NLRP4: variants seen among roughly 807,000 people sequenced by gnomAD.
The protein encoded by NLRP4 is NACHT, LRR and PYD domains-containing protein 4.
Under a neutral mutation model 84.7 loss-of-function variants are expected in NLRP4, and 44 were observed. That is an observed-to-expected ratio of 0.52 (90% CI 0.41 to 0.67). NLRP4 has a LOEUF of 0.67. Ranked by LOEUF, NLRP4 falls within the 30% of genes least tolerant of loss-of-function variation. The probability of loss-of-function intolerance (pLI) is 0.00; values close to 1 mark genes in which losing one functional copy is unlikely to be tolerated. For missense variants in NLRP4, 1,260 were observed against 1,219.4 expected, an observed-to-expected ratio of 1.03 and a Z score of -0.50; for synonymous variants, 544 against 476.4, an observed-to-expected ratio of 1.14 and a Z score of -1.85.
In NLRP4 at chr19:55,881,756, T is replaced by C. The variant is rs1038467986; in HGVS notation, c.*169T>C. 8.7e-6 allele frequency: 4 copies of C among 457,274 alleles called. No individual in the cohort carries two copies. The highest frequency in any genetic ancestry group is 7.9e-5 in the Admixed American group (2 of 25,238). The allele number at this position is 457,274 out of a possible 1,614,324, so 28.3% of individuals were successfully genotyped here. ...TGATACACGTGGTTTTTATGTGCTCTGTGGCCTTGGATGAGTCACTGAAAG... is the reference window on the plus strand; with the variant it reads ...TGATACACGTGGTTTTTATGTGCTCCGTGGCCTTGGATGAGTCACTGAAAG... On this transcript the variant is annotated 3_prime_UTR_variant, in exon 10 of 10. Coordinates refer to ENST00000301295, the MANE Select transcript of NLRP4 (RefSeq NM_134444.5).
At position 55,881,682 on chromosome 19, in the gene NLRP4, T is replaced by C; in HGVS notation, c.*95T>C. On this transcript the variant is annotated 3_prime_UTR_variant, in exon 10 of 10. Coordinates refer to ENST00000301295, the MANE Select transcript of NLRP4 (RefSeq NM_134444.5). ...ACTGCACCCAGGAGATACAAATCAT[T>C]GATACTCTGAGTTGTGAGATTTCTG... 1 of 653,994 alleles carries C rather than the reference T, an allele frequency of 1.5e-6. No individual in the cohort carries two copies. The highest frequency in any genetic ancestry group is 2.7e-6 in the Non-Finnish European group (1 of 365,556). The allele number at this position is 653,994 out of a possible 1,614,324, so 40.5% of individuals were successfully genotyped here.
At chr19:55,859,923 C>T (rs1984658927) in intron 3 of NLRP4, among the ~76,000 whole-genome samples, 1 of 64,286 alleles carries the variant, frequency 1.6e-5, no homozygotes, top group Non-Finnish European at 2.4e-5. Context: ...AGACTCTCAT[C>T]TCCAAAAAAA....
At chr19:55,848,802 T>A (rs1017935346) in intron 1 of NLRP4, among the ~76,000 whole-genome samples, 6 of 152,150 alleles carry the variant, frequency 3.9e-5, no homozygotes, top group Non-Finnish European at 5.9e-5. Context: ...CTCCCATAAT[T>A]CCCACATGTG....
At chr19:55,844,175 C>T (rs1284740452) in intron 1 of NLRP4, among the ~76,000 whole-genome samples, 1 of 152,176 alleles carries the variant, frequency 6.6e-6, no homozygotes, top group Non-Finnish European at 1.5e-5. Flanking sequence ...TTATTCCTCT[C>T]TATTAACTTC....
intron 7 of NLRP4, among the ~76,000 whole-genome samples, chr19:55,871,490 A>C (rs1256354896): frequency 6.6e-6 from 1 of 152,234 alleles, no homozygotes; most frequent in Non-Finnish European, 1.5e-5. Flanking sequence ...AAAAGACTTA[A>C]TTTCATGTTA....
At chr19:55,878,216 A>G (rs958066344) in intron 8 of NLRP4, among the ~76,000 whole-genome samples, 23 of 152,074 alleles carry the variant, frequency 1.5e-4, no homozygotes, top group African/African-American at 5.3e-4. Context: ...GCAATGAGCC[A>G]TGATCATGCC....
intron 2 of NLRP4, among the ~76,000 whole-genome samples, chr19:55,856,469 G>A (rs1360775783): frequency 1.3e-5 from 2 of 151,800 alleles, no homozygotes; most frequent in Non-Finnish European, 2.9e-5. Flanking sequence ...AGCTACGAGG[G>A]GTTGTGGGAT....
chr19:55,857,768 G>C lies in NLRP4; in HGVS notation c.375G>C (p.Glu125Asp). Residue 125 changes from glutamate (E) to aspartate (D), a missense_variant, in exon 3 of 10, where the codon GAG (glutamate) becomes GAC (aspartate). By Grantham distance (45) the Glu-to-Asp change is conservative (BLOSUM62 2). Transcript: ENST00000301295. ...SVTEIHLYFE[E>D]EVKQEECDHL... ...CTGAGATTCACCTATACTTTGAGGA[G>C]GAAGTCAAGCAAGAAGAATGTGACC... is the stretch of plus-strand genomic sequence containing the variant. The C allele has an allele frequency of 6.2e-7, 1 of 1,614,076 alleles. No individual in the cohort carries two copies. The highest frequency in any genetic ancestry group is 8.5e-7 in the Non-Finnish European group (1 of 1,179,936).
chr19:55,877,925 G>C (rs1399963429), intron 8 of NLRP4, among the ~76,000 whole-genome samples: 1 of 152,026 alleles, frequency 6.6e-6, no homozygotes, highest in Non-Finnish European at 1.5e-5. Context: ...TATAAATTTT[G>C]GCAGGGACAG....
At chr19:55,863,857 TTAAA>T (rs1440049830) in intron 5 of NLRP4, among the ~76,000 whole-genome samples, 6 of 152,204 alleles carry the variant, frequency 3.9e-5, no homozygotes, top group African/African-American at 1.4e-4. Flanking sequence ...ATTTTTGCAA[TTAAA>T]TAAGGGTTTC....
At chr19:55,839,277 G>A (rs889058118) in intron 1 of NLRP4, among the ~76,000 whole-genome samples, 2 of 150,586 alleles carry the variant, frequency 1.3e-5, no homozygotes, top group African/African-American at 4.9e-5. Flanking sequence ...ATGTAAACCT[G>A]TTTTCATTAT....
In NLRP4 at chr19:55,858,422, C is replaced by T. The variant is rs1285401201; in HGVS notation, c.1029C>T (p.Leu343=). 3.7e-6 allele frequency: 6 copies of T among 1,614,022 alleles called. No individual in the cohort carries two copies. In the Admixed American group the frequency reaches 8.3e-5, roughly 22 times the overall value. The change falls in exon 3 of 10, where the codon CTC becomes CTT. Residue 343 remains leucine, a synonymous_variant. Coordinates refer to ENST00000301295, the MANE Select transcript of NLRP4 (RefSeq NM_134444.5). The surrounding 1 kb of genome is among the most constrained non-coding windows in gnomAD (Gnocchi z 4.2). The part of the protein sequence containing the change: ...QLFSICQIPL[L]CWILCTSLKQ... ...TTTCCATATGCCAAATCCCGCTCCT[C>T]TGCTGGATCCTGTGTACCAGTCTGA... is the stretch of plus-strand genomic sequence containing the variant.
At chr19:55,871,056 G>A (rs922753698) in intron 7 of NLRP4, 59 bp downstream of exon 7, 61 of 1,443,660 alleles carry the variant, frequency 4.2e-5, no homozygotes, top group Admixed American at 8.8e-5. Context: ...ATGCACTGCT[G>A]AGAATGGGGC....
intron 8 of NLRP4, 146 bp from the exon 9 acceptor site, chr19:55,878,648 G>A (rs893870461): frequency 3.5e-5 from 21 of 596,782 alleles, no homozygotes; most frequent in African/African-American, 2.6e-4. Flanking sequence ...ACCCACAGAC[G>A]CGTGATCTGA....
Position 55,881,538 on chromosome 19 carries a change from A to G in NLRP4, c.2936A>G (p.Asn979Ser). 6.2e-7 allele frequency: 1 copy of G among 1,610,606 alleles called. No individual in the cohort carries two copies. The highest frequency in any genetic ancestry group is 1.7e-5 in the Admixed American group (1 of 60,002). Residue 979 changes from asparagine to serine, a missense_variant, in exon 10 of 10, where the codon AAC becomes AGC. This residue lies in a region of NLRP4 where 544 missense variants were observed against 531.7 expected (regional missense o/e 1.02). Transcript: ENST00000301295. ...LLTAEEERNPNLTITDDCDTI... is the reference protein window; with the variant it reads ...LLTAEEERNPSLTITDDCDTI... ...ACGGCTGAGGAAGAGAGAAATCCTA[A>G]CCTGACCATCACAGACGACTGTGAC...
chr19:55,842,171 T>A (rs1164423151), intron 1 of NLRP4, among the ~76,000 whole-genome samples: 1 of 152,240 alleles, frequency 6.6e-6, no homozygotes, highest in Non-Finnish European at 1.5e-5. Flanking sequence ...GTTTAGTCTT[T>A]CAACTTTCGT....
intron 7 of NLRP4, among the ~76,000 whole-genome samples, chr19:55,875,688 G>T (rs1202894758): frequency 2.0e-5 from 3 of 152,090 alleles, no homozygotes; most frequent in Non-Finnish European, 4.4e-5. Flanking sequence ...ATTTTAAAAT[G>T]TGTATGGAAC....
intron 9 of NLRP4, among the ~76,000 whole-genome samples, chr19:55,879,360 T>C (rs1023365349): frequency 1.3e-5 from 2 of 152,268 alleles, no homozygotes; most frequent in Middle Eastern, 3.4e-3. Flanking sequence ...GATTGCCCGA[T>C]CCATGGTGAA....
chr19:55,852,328 A>T lies in NLRP4; in HGVS notation c.248A>T (p.Asp83Val), dbSNP rs1439199667. 1 of 1,606,756 alleles carries T rather than the reference A, an allele frequency of 6.2e-7. No individual in the cohort carries two copies. Among genetic ancestry groups the T allele is most frequent in the Non-Finnish European group, 8.5e-7 (1 of 1,177,790 alleles). The change falls in exon 2 of 10, where the codon GAT (aspartate) becomes GTT (valine). Residue 83 changes from aspartate to valine, a missense_variant. Around this residue, in one of 3 missense-constraint regions of NLRP4, gnomAD observed 712 missense variants for 669.2 expected, o/e 1.06. Coordinates refer to ENST00000301295, the MANE Select transcript of NLRP4 (RefSeq NM_134444.5). ...ATCTTTCAAAAGATGGATAGAAAGGATCTCTGCATGAAGGTCATGAGGGAG... is the reference window on the plus strand; with the variant it reads ...ATCTTTCAAAAGATGGATAGAAAGGTTCTCTGCATGAAGGTCATGAGGGAG... The part of the protein sequence containing the change: ...LRIFQKMDRK[D>V]LCMKVMRERT...
Sources: gnomAD v4.1 joint callset for allele counts (sites outside exome capture counted in the v4.1 genomes callset) on GRCh38, gnomAD v4.1.1 for gene constraint, gnomAD v4.1.1 regional missense constraint, Gnocchi (gnomAD v3.1) non-coding constraint, MANE v1.5 for transcripts, NCBI Gene and HGNC (gene_info 2026-07-23, HGNC 2026-07-21) for gene names.